Variants in ASTN2 observed in about 807,000 individuals in gnomAD.
ASTN2 encodes astrotactin-2.
ASTN2 carries 54 observed loss-of-function variants against 139.8 expected under a neutral mutation model. The observed-to-expected ratio is 0.39, with a 90% CI of 0.31 to 0.48. The LOEUF (loss-of-function observed/expected upper bound fraction) is 0.48. Among genes scored for constraint, ASTN2 ranks in the 20% least tolerant of loss-of-function variants. The probability of loss-of-function intolerance (pLI) is 0.95; values close to 1 mark genes in which losing one functional copy is unlikely to be tolerated. For synonymous variants in ASTN2, 756 were observed against 719.5 expected (o/e 1.05, Z -0.81); for missense variants, 1,565 against 1,725.1 (o/e 0.91, Z 1.64).
chr9:116,885,128 G>T (rs1375969385), intron 10 of ASTN2, among the ~76,000 whole-genome samples: 2 of 152,058 alleles, frequency 1.3e-5, no homozygotes, highest in Non-Finnish European at 2.9e-5. Context: ...AAGGGTGTGT[G>T]TATGGTCATG....
intron 20 of ASTN2, among the ~76,000 whole-genome samples, chr9:116,462,524 A>C (rs1848518290): frequency 6.6e-6 from 1 of 152,166 alleles, no homozygotes; most frequent in Non-Finnish European, 1.5e-5. Context: ...TTGCCTTACA[A>C]GGGGCAGGTG....
intron 1 of ASTN2, among the ~76,000 whole-genome samples, chr9:117,322,776 C>T (rs1564145846): frequency 6.6e-6 from 1 of 152,014 alleles, no homozygotes; most frequent in African/African-American, 2.4e-5. Flanking sequence ...TATGCCTGGG[C>T]CCCCAGCACA....
At chr9:117,217,330 G>T (rs776010821) in intron 2 of ASTN2, among the ~76,000 whole-genome samples, 48 of 152,076 alleles carry the variant, frequency 3.2e-4, no homozygotes, top group Non-Finnish European at 4.7e-4. Context: ...AGAGGATAAG[G>T]TCTTACATGG....
intron 12 of ASTN2, among the ~76,000 whole-genome samples, chr9:116,813,794 G>T (rs1018846309): frequency 6.6e-6 from 1 of 152,050 alleles, no homozygotes; most frequent in African/African-American, 2.4e-5. Context: ...CAGCACTTTG[G>T]GGGGCTGAGA....
intron 4 of ASTN2, among the ~76,000 whole-genome samples, chr9:117,108,417 G>GAA (rs951250539): frequency 9.0e-5 from 11 of 121,614 alleles, no homozygotes; most frequent in Admixed American, 7.8e-4. Context: ...GTGCCCTTTG[G>GAA]AAAAAAACAA....
intron 3 of ASTN2, among the ~76,000 whole-genome samples, chr9:117,151,716 G>T (rs1038486339): frequency 5.9e-5 from 9 of 152,078 alleles, no homozygotes; most frequent in African/African-American, 2.2e-4. Flanking sequence ...AGAGAAAGGG[G>T]CAAGGGTTAT....
At chr9:116,642,076 C>T (rs983589765) in intron 17 of ASTN2, among the ~76,000 whole-genome samples, 2 of 129,432 alleles carry the variant, frequency 1.5e-5, no homozygotes, top group African/African-American at 5.7e-5. Flanking sequence ...GGTTCTCAAG[C>T]TCATTTTGTA....
chr9:116,565,478 A>G (rs2131675236), intron 19 of ASTN2, among the ~76,000 whole-genome samples: 1 of 141,956 alleles, frequency 7.0e-6, no homozygotes, highest in East Asian at 2.0e-4. Context: ...CCCAGGCTGG[A>G]GTGCAGTAGT....
chr9:116,858,828 T>C (rs1195705135), intron 11 of ASTN2, among the ~76,000 whole-genome samples: 3 of 152,188 alleles, frequency 2.0e-5, no homozygotes, highest in Non-Finnish European at 2.9e-5. Flanking sequence ...TGTATCACCC[T>C]CCTCATATGA....
At chr9:117,360,526 G>C (rs1829661959) in intron 1 of ASTN2, among the ~76,000 whole-genome samples, 1 of 152,190 alleles carries the variant, frequency 6.6e-6, no homozygotes. Flanking sequence ...ATGAGCAGGG[G>C]ATAATTCCCA....
chr9:117,291,248 T>A, intron 2 of ASTN2, 78 bp downstream of exon 2: 2 of 1,529,950 alleles, frequency 1.3e-6, no homozygotes, highest in South Asian at 2.5e-5. Flanking sequence ...CTGTGGACAA[T>A]CCCCCGCCCC....
At chr9:116,686,597 C>A (rs1240191544) in intron 16 of ASTN2, 1 of 1,234,382 alleles carries the variant, frequency 8.1e-7, no homozygotes, top group African/African-American at 1.5e-5. Flanking sequence ...TGCCTAGTGC[C>A]CCAGATTCCC....
intron 20 of ASTN2, among the ~76,000 whole-genome samples, chr9:116,453,149 G>A (rs373670016): frequency 8.5e-5 from 13 of 152,266 alleles, no homozygotes; most frequent in African/African-American, 3.1e-4. Context: ...AGGGGTGGGA[G>A]TGGGACAAAG....
At chr9:116,653,404 C>T (rs958941205) in intron 16 of ASTN2, among the ~76,000 whole-genome samples, 3 of 152,126 alleles carry the variant, frequency 2.0e-5, no homozygotes, top group Non-Finnish European at 4.4e-5. Flanking sequence ...TACAAGATTT[C>T]GTGAAAATAA....
chr9:117,080,343 T>C (rs1828393315), intron 5 of ASTN2, among the ~76,000 whole-genome samples: 1 of 152,218 alleles, frequency 6.6e-6, no homozygotes, highest in African/African-American at 2.4e-5. Flanking sequence ...TGCATCATCA[T>C]TTACTTAGCC....
intron 3 of ASTN2, among the ~76,000 whole-genome samples, chr9:117,202,119 T>C (rs1831744390): frequency 6.6e-6 from 1 of 152,188 alleles, no homozygotes; most frequent in Non-Finnish European, 1.5e-5. Flanking sequence ...TTTTTGATCT[T>C]TGTTGGTTTA....
intron 3 of ASTN2, among the ~76,000 whole-genome samples, chr9:117,149,854 A>G (rs1830288237): frequency 6.6e-6 from 1 of 152,194 alleles, no homozygotes; most frequent in Non-Finnish European, 1.5e-5. Context: ...AAATTGATGG[A>G]TTGAATTTTC....
chr9:116,433,577 AATT>A (rs1470359490), intron 22 of ASTN2, among the ~76,000 whole-genome samples: 1 of 152,232 alleles, frequency 6.6e-6, no homozygotes, highest in African/African-American at 2.4e-5. Context: ...AATGAACAAT[AATT>A]ATTTCAGAAC....
intron 3 of ASTN2, among the ~76,000 whole-genome samples, chr9:117,189,052 G>A (rs763366692): frequency 2.1e-4 from 32 of 152,112 alleles, no homozygotes; most frequent in Non-Finnish European, 3.4e-4. Flanking sequence ...AGAAGGTCCT[G>A]TCTGCCAGAC....
Sources: gnomAD v4.1 joint callset for allele counts (sites outside exome capture counted in the v4.1 genomes callset) on GRCh38, gnomAD v4.1.1 for gene constraint, MANE v1.5 for transcripts, NCBI Gene and HGNC (gene_info 2026-07-23, HGNC 2026-07-21) for gene names.